Variants in DIDO1 observed in about 807,000 individuals in gnomAD.
DIDO1 encodes death-inducer obliterator 1.
A neutral mutation model predicts 99.4 loss-of-function variants in DIDO1; 16 were observed. That is an observed-to-expected ratio of 0.16 (90% CI 0.11 to 0.24). DIDO1 has a LOEUF of 0.24. Ranked by LOEUF, DIDO1 falls within the 10% of genes least tolerant of loss-of-function variation. The probability of loss-of-function intolerance (pLI) is 1.00; values close to 1 mark genes in which losing one functional copy is unlikely to be tolerated. For synonymous variants in DIDO1, 1,366 were observed against 1,239.1 expected (o/e 1.10, Z -2.15); for missense variants, 2,996 against 3,014.0 (o/e 0.99, Z 0.14).
rs148010857 is a variant in DIDO1 at position 62,879,860 on chromosome 20, G to A, written c.6096C>T (p.His2032=). Residue 2032 remains histidine, a synonymous_variant, in exon 16 of 16, where the codon CAC becomes CAT. Transcript: ENST00000395343. This position sits in a 1 kb window ranked among gnomAD's most constrained non-coding sequence, Gnocchi z 6.3. ...GPRPLLELPS[H]PPQHRKDRWE... ...AGCGGTCCTTCCGGTGCTGCGGGGG[G>A]TGGCTGGGAAGCTCCAGCAGGGGCC... 173 of 1,596,424 alleles carry A rather than the reference G, an allele frequency of 1.1e-4. No individual in the cohort carries two copies. Among genetic ancestry groups the A allele is most frequent in the Middle Eastern group, 3.4e-4 (2 of 5,934 alleles).
At position 62,879,512 on chromosome 20, in the gene DIDO1, G is replaced by C; in HGVS notation, c.6444C>G (p.Asp2148Glu). The C allele has an allele frequency of 6.3e-7, 1 of 1,598,344 alleles. No individual in the cohort carries two copies. Among genetic ancestry groups the C allele is most frequent in the South Asian group, 1.1e-5 (1 of 90,934 alleles). Residue 2148 changes from aspartate to glutamate, a missense_variant, in exon 16 of 16, where the codon GAC becomes GAG. Around this residue, in one of 5 missense-constraint regions of DIDO1, gnomAD observed 1,562 missense variants for 1,412.6 expected, o/e 1.11. Coordinates refer to ENST00000395343, the MANE Select transcript of DIDO1 (RefSeq NM_001193369.2). This position sits in a 1 kb window ranked among gnomAD's most constrained non-coding sequence, Gnocchi z 6.3. ...HRDKDSSRDWDRNRERSANRD... is the reference protein window; with the variant it reads ...HRDKDSSRDWERNRERSANRD... ...GGTTGGCGCTCCTCTCCCGGTTTCT[G>C]TCCCAGTCCCGGCTGGAGTCCTTGT...
intron 6 of DIDO1, 86 bp downstream of exon 6, chr20:62,905,801 A>T: frequency 6.2e-7 from 1 of 1,613,342 alleles, no homozygotes; most frequent in Non-Finnish European, 8.5e-7. Flanking sequence ...ACAAAGCTGC[A>T]ACTCCCAGTC....
chr20:62,925,017 G>C (rs934922476), intron 1 of DIDO1, among the ~76,000 whole-genome samples: 2 of 152,230 alleles, frequency 1.3e-5, no homozygotes, highest in African/African-American at 4.8e-5. Flanking sequence ...TAAGCAGGGA[G>C]TTTCACAACA....
At chr20:62,925,380 T>C (rs1385379724) in intron 1 of DIDO1, among the ~76,000 whole-genome samples, 1 of 152,202 alleles carries the variant, frequency 6.6e-6, no homozygotes. Context: ...AAGTCATATG[T>C]GGCCCTACGG....
chr20:62,925,535 C>T (rs2065235467), intron 1 of DIDO1, among the ~76,000 whole-genome samples: 1 of 152,184 alleles, frequency 6.6e-6, no homozygotes, highest in Non-Finnish European at 1.5e-5. Context: ...ATATCGAAGG[C>T]CCAGGCACAA....
chr20:62,884,060 C>A (rs966424013), intron 15 of DIDO1, among the ~76,000 whole-genome samples: 1 of 152,132 alleles, frequency 6.6e-6, no homozygotes, highest in Non-Finnish European at 1.5e-5. Context: ...ATTAACATAT[C>A]AAAGACTCCC....
chr20:62,900,362 CTAAT>C (rs1190415802), intron 6 of DIDO1, among the ~76,000 whole-genome samples: 1 of 152,274 alleles, frequency 6.6e-6, no homozygotes, highest in African/African-American at 2.4e-5. Context: ...GCAGCACACT[CTAAT>C]TGGCCAATTT....
intron 6 of DIDO1, among the ~76,000 whole-genome samples, chr20:62,898,618 C>T (rs967258976): frequency 3.9e-5 from 6 of 152,220 alleles, no homozygotes; most frequent in Admixed American, 2.0e-4. Context: ...ATGGCCGGCC[C>T]CTGCCTACCC....
At chr20:62,932,830 A>G (rs1234788632) in intron 1 of DIDO1, among the ~76,000 whole-genome samples, 1 of 152,234 alleles carries the variant, frequency 6.6e-6, no homozygotes, top group Non-Finnish European at 1.5e-5. Context: ...AATCAGGCAA[A>G]AAGAGGGAGG....
intron 15 of DIDO1, chr20:62,887,222 A>G: frequency 1.0e-6 from 1 of 985,482 alleles, no homozygotes; most frequent in Non-Finnish European, 1.2e-6. Context: ...AGTTTCCATG[A>G]AAGATGTTTA....
intron 2 of DIDO1, among the ~76,000 whole-genome samples, chr20:62,913,027 CA>C (rs1228010659): frequency 1.3e-5 from 2 of 151,556 alleles, no homozygotes; most frequent in Non-Finnish European, 2.9e-5. Flanking sequence ...GACTCAGTCT[CA>C]AAAAAAAGAA....
At chr20:62,887,748 G>C (rs559817774) in intron 15 of DIDO1, 3 of 985,502 alleles carry the variant, frequency 3.0e-6, no homozygotes, top group South Asian at 4.7e-5. Flanking sequence ...CATGAACAAG[G>C]CCCTGAGACA....
In DIDO1 at chr20:62,911,075, G is replaced by T. The variant is rs1223613275; in HGVS notation, c.538C>A (p.Pro180Thr). The part of the protein sequence containing the change: ...RKREQEPTER[P>T]LKGIQSRLRK... ...AGGCGACTCTGGATCCCTTTCAGGGGCCTCTCAGTGGGCTCCTGTTCCCGC... is the reference window on the plus strand; with the variant it reads ...AGGCGACTCTGGATCCCTTTCAGGGTCCTCTCAGTGGGCTCCTGTTCCCGC... The change falls in exon 3 of 16, where the codon CCC (proline) becomes ACC (threonine). Residue 180 changes from proline (P) to threonine (T), a missense_variant. Pro to Thr is a conservative substitution (Grantham distance 38). This residue lies in a region of DIDO1 where 388 missense variants were observed against 376.6 expected (regional missense o/e 1.03). Coordinates refer to ENST00000395343, the MANE Select transcript of DIDO1 (RefSeq NM_001193369.2). This position sits in a 1 kb window ranked among gnomAD's most constrained non-coding sequence, Gnocchi z 7.0. 1.2e-6 allele frequency: 2 copies of T among 1,613,798 alleles called. No individual in the cohort carries two copies. Among genetic ancestry groups the T allele is most frequent in the South Asian group, 2.2e-5 (2 of 91,082 alleles).
chr20:62,886,477 C>T (rs1310691887), intron 15 of DIDO1, among the ~76,000 whole-genome samples: 1 of 152,140 alleles, frequency 6.6e-6, no homozygotes. Context: ...AGGGTGTATT[C>T]GAAAAGCTGT....
chr20:62,890,025 C>T lies in DIDO1; in HGVS notation c.3541+935G>A, dbSNP rs558918837. On this transcript the variant is annotated intron_variant, in intron 15 of 15. Coordinates refer to ENST00000395343, the MANE Select transcript of DIDO1 (RefSeq NM_001193369.2). ...GTGGCCCCTACAGGACCCCAGCTAGCTAGGGTGCGGCATGAGGGGTGTGGG... is the reference window on the plus strand; with the variant it reads ...GTGGCCCCTACAGGACCCCAGCTAGTTAGGGTGCGGCATGAGGGGTGTGGG... 7.5e-5 allele frequency: 74 copies of T among 985,266 alleles called. 2 individuals carry two copies. The South Asian group carries it at 3.1e-3, about 41-fold the overall frequency. 61.0% of individuals were successfully genotyped at this position (985,266 alleles called of 1,614,324 possible).
At chr20:62,888,208 G>A (rs910666403) in intron 15 of DIDO1, 1 of 985,398 alleles carries the variant, frequency 1.0e-6, no homozygotes, top group East Asian at 1.1e-4. Flanking sequence ...AAACCCACTA[G>A]GTCCCCATGT....
chr20:62,910,273 C>G (rs965151213), intron 3 of DIDO1, among the ~76,000 whole-genome samples: 1 of 152,192 alleles, frequency 6.6e-6, no homozygotes, highest in African/African-American at 2.4e-5. Context: ...AGTCTCCCCC[C>G]AAAACTGCGA....
At chr20:62,910,699 C>A (rs1228810396) in intron 3 of DIDO1, 75 bp downstream of exon 3, 4 of 1,499,756 alleles carry the variant, frequency 2.7e-6, no homozygotes, top group Admixed American at 1.9e-5. Flanking sequence ...AGCTTTGTAA[C>A]CCTTTAAAAT....
intron 15 of DIDO1, among the ~76,000 whole-genome samples, chr20:62,884,840 G>A (rs928232724): frequency 1.3e-5 from 2 of 152,152 alleles, no homozygotes; most frequent in African/African-American, 2.4e-5. Context: ...ATAGTAGCAC[G>A]GTGCCAGTGA....
Sources: allele counts gnomAD v4.1 joint callset (sites outside exome capture counted in the v4.1 genomes callset), GRCh38; gene constraint gnomAD v4.1.1; regional missense constraint gnomAD v4.1.1; non-coding constraint Gnocchi (gnomAD v3.1); transcripts MANE v1.5; gene names NCBI Gene and HGNC (gene_info 2026-07-23, HGNC 2026-07-21).